The following WDR90 variants were observed in gnomAD, a reference collection of about 807,000 sequenced individuals.
WDR90 encodes the protein WD repeat domain 90.
Under a neutral mutation model 195.2 loss-of-function variants are expected in WDR90, and 238 were observed. That is an observed-to-expected ratio of 1.22 (90% CI 1.10 to 1.36). WDR90 has a LOEUF of 1.36. Ranked by LOEUF, WDR90 falls within the 40% of genes most tolerant of loss-of-function variation. The pLI is 0.00. For missense variants in WDR90, 2,734 were observed against 2,439.5 expected, an observed-to-expected ratio of 1.12 and a Z score of -2.54; for synonymous variants, 1,265 against 1,052.4, an observed-to-expected ratio of 1.20 and a Z score of -3.91.
At chr16:656,675 G>A in intron 18 of WDR90, 57 bp from the exon 19 acceptor site, 2 of 1,580,506 alleles carry the variant, frequency 1.3e-6, no homozygotes, top group East Asian at 4.5e-5. Flanking sequence ...GCCGCCTGGA[G>A]AGCCCCTGGG....
intron 21 of WDR90, 131 bp downstream of exon 21, chr16:658,023 T>G (rs2037798398): frequency 3.4e-6 from 5 of 1,456,032 alleles, no homozygotes; most frequent in Non-Finnish European, 4.6e-6. Flanking sequence ...AGAGTACACA[T>G]CAGCCATGTG....
chr16:650,319 G>A lies in WDR90; in HGVS notation c.345G>A (p.Trp115Ter), dbSNP rs1292947644. 5.0e-6 allele frequency: 8 copies of A among 1,612,942 alleles called. No homozygotes were observed. The highest frequency in any genetic ancestry group is 6.8e-6 in the Non-Finnish European group (8 of 1,179,966). Residue 115 changes from tryptophan (W) to a stop codon, truncating the protein, a stop_gained, in exon 4 of 41, where the codon TGG becomes TGA. Coordinates refer to ENST00000293879, the MANE Select transcript of WDR90 (RefSeq NM_145294.5). LOFTEE classifies it high-confidence loss of function. ...AGGAGTTTAAGTCTACGGCCACGTGGCTCCAGTTTCCCTTGGTCCTGGAGG... is the reference window on the plus strand; with the variant it reads ...AGGAGTTTAAGTCTACGGCCACGTGACTCCAGTTTCCCTTGGTCCTGGAGG... ...LFKEFKSTAT[W>*]LQFPLVLEAR...
Position 656,919 on chromosome 16 carries a change from G to T in WDR90, c.2342+48G>T, listed in dbSNP as rs370130200. 10 of 1,591,986 alleles carry T rather than the reference G, an allele frequency of 6.3e-6. No individual in the cohort carries two copies. The African/African-American group carries it at 1.3e-4, about 21-fold the overall frequency. The stretch of plus-strand genomic sequence containing the variant: ...GCCCCACGGAGACCCCACGGTGGAA[G>T]CTGGGGTGGCCAGGTGGGGGTCATG... On this transcript the variant is annotated intron_variant, in intron 19 of 40. Coordinates refer to ENST00000293879, the MANE Select transcript of WDR90 (RefSeq NM_145294.5).
Position 661,063 on chromosome 16 carries a change from A to G in WDR90, c.3404A>G (p.Tyr1135Cys). 6 of 1,305,256 alleles carry G rather than the reference A, an allele frequency of 4.6e-6. No homozygotes were observed. The highest frequency in any genetic ancestry group is 5.8e-6 in the Non-Finnish European group (6 of 1,030,598). 80.9% of individuals were successfully genotyped at this position (1,305,256 alleles called of 1,614,324 possible). Residue 1135 changes from tyrosine (Y) to cysteine (C), a missense_variant, in exon 29 of 41, where the codon TAC becomes TGC. By Grantham distance (194) the Tyr-to-Cys change is radical. Transcript: ENST00000293879. ...TCTCTGCGCACAGGCTTCTTTGCCT[A>G]CACGTGCGGCCGCCTGGTGGTGGTG... ...VWRPDTGFFA[Y>C]TCGRLVVVED...
In WDR90 at chr16:662,851, G is replaced by A. The variant is rs1378037863; in HGVS notation, c.4311+7G>A. 4 of 1,551,958 alleles carry A rather than the reference G, an allele frequency of 2.6e-6. No homozygotes were observed. The African/African-American group carries it at 5.4e-5, about 21-fold the overall frequency. On this transcript the variant is annotated splice_region_variant and intron_variant, in intron 34 of 40. Coordinates refer to ENST00000293879, the MANE Select transcript of WDR90 (RefSeq NM_145294.5). ...CAGTGGCCACAGGAGCAAGGTGAGG[G>A]ACTTCCAGCCTGGGCAGAGGCGGGG...
intron 27 of WDR90, 165 bp from the exon 28 acceptor site, chr16:660,447 A>G: frequency 1.4e-6 from 1 of 725,294 alleles, no homozygotes; most frequent in South Asian, 1.8e-5. Flanking sequence ...TGGCCCTGGC[A>G]CAGTGCCCAC....
At position 655,531 on chromosome 16, in the gene WDR90, C is replaced by G. The variant is rs1311646796; in HGVS notation, c.1719-42C>G. The G allele has an allele frequency of 1.9e-6, 3 of 1,548,752 alleles. No homozygotes were observed. The Admixed American group carries it at 5.6e-5, about 29-fold the overall frequency. ...GGGGGCCCTGGTGCCTGGGCCTCCC[C>G]TTCCCTGAGGGCCTCACCTTCCCTG... is the stretch of plus-strand genomic sequence containing the variant. On this transcript the variant is annotated intron_variant, in intron 15 of 40. Coordinates refer to ENST00000293879, the MANE Select transcript of WDR90 (RefSeq NM_145294.5).
chr16:654,790 T>C, intron 13 of WDR90: 2 of 557,788 alleles, frequency 3.6e-6, no homozygotes, highest in Non-Finnish European at 3.2e-6. Context: ...GCGGGGGGGT[T>C]TGTACTTCTC....
Position 660,024 on chromosome 16 carries a change from T to C in WDR90, c.3185-34T>C, listed in dbSNP as rs200979040. 16 of 1,486,700 alleles carry C rather than the reference T, an allele frequency of 1.1e-5. No individual in the cohort carries two copies. In the African/African-American group the frequency reaches 1.5e-4, roughly 14 times the overall value. 92.1% of individuals were successfully genotyped at this position (1,486,700 alleles called of 1,614,324 possible). A position where few individuals can be genotyped will look rare whatever the true frequency, so the allele number is the denominator to read the frequency against. ...GGGGTCTCTGAAGAGCTCAGGGCAG[T>C]GTAATGCCACAAGCTCTGCCTCCTC... is the stretch of plus-strand genomic sequence containing the variant. On this transcript the variant is annotated intron_variant, in intron 26 of 40. Coordinates refer to ENST00000293879, the MANE Select transcript of WDR90 (RefSeq NM_145294.5).
intron 26 of WDR90, 56 bp downstream of exon 26, chr16:659,432 G>A (rs1596465659): frequency 3.2e-6 from 5 of 1,563,368 alleles, no homozygotes. Flanking sequence ...AGAGGGCACA[G>A]GCCCAGTGGC....
At chr16:656,065 G>A (rs770520201) in intron 17 of WDR90, 176 bp downstream of exon 17, 336 of 860,806 alleles carry the variant, frequency 3.9e-4, no homozygotes, top group Non-Finnish European at 5.3e-4. Flanking sequence ...AGGGCGGCCC[G>A]CGGGGCAGCC....
intron 34 of WDR90, among the ~76,000 whole-genome samples, chr16:663,977 T>C (rs920703980): frequency 3.9e-5 from 6 of 152,186 alleles, no homozygotes; most frequent in African/African-American, 1.4e-4. Flanking sequence ...CTGAGTCCCA[T>C]CATCCAGTTG....
intron 18 of WDR90, 36 bp from the exon 19 acceptor site, chr16:656,695 TC>T: frequency 6.3e-7 from 1 of 1,594,508 alleles, no homozygotes; most frequent in Non-Finnish European, 8.6e-7. Flanking sequence ...GCCCTTGAGA[TC>T]CCTGCCCTCC....
Position 651,274 on chromosome 16 carries a change from TG to T in WDR90, c.736+14del, listed in dbSNP as rs756320871. 3.7e-6 allele frequency: 6 copies of T among 1,612,562 alleles called. No homozygotes were observed. In the African/African-American group the frequency reaches 6.7e-5, roughly 18 times the overall value. ...GTTCCCCTCCTGAGGCAGGTGGGTC[TG>T]GGGGGTCAGCGGGGACCCAGGTTAA... On this transcript the variant is annotated intron_variant, in intron 7 of 40. Coordinates refer to ENST00000293879, the MANE Select transcript of WDR90 (RefSeq NM_145294.5).
rs2151261033 is a variant in WDR90, at chr16:657,838, T to C, written c.2550T>C (p.Phe850=). ...AVSRDGRLLA[F]VGPSRCTVTV... ...GCAGGGATGGCCGCCTGCTGGCCTT[T>C]GTGGGACCCTCCAGGTGCACAGTGA... Residue 850 remains phenylalanine, a synonymous_variant, in exon 21 of 41, where the codon TTT becomes TTC. Coordinates refer to ENST00000293879, the MANE Select transcript of WDR90 (RefSeq NM_145294.5). 6.3e-7 allele frequency: 1 copy of C among 1,585,086 alleles called. No individual in the cohort carries two copies. The highest frequency in any genetic ancestry group is 8.6e-7 in the Non-Finnish European group (1 of 1,166,290).
intron 23 of WDR90, 92 bp from the exon 24 acceptor site, chr16:658,804 C>A: frequency 1.9e-6 from 3 of 1,569,348 alleles, no homozygotes; most frequent in Non-Finnish European, 2.6e-6. Flanking sequence ...CGGGGCCTCA[C>A]ACTGTGTGGG....
At position 655,808 on chromosome 16, in the gene WDR90, C is replaced by G; in HGVS notation, c.1885C>G (p.Pro629Ala). ...GIAISSLSVSPAMCAVGSEDG... is the reference protein window; with the variant it reads ...GIAISSLSVSAAMCAVGSEDG... The stretch of plus-strand genomic sequence containing the variant: ...TGCCATCAGCAGCCTCAGCGTCTCC[C>G]CGGCCATGTGTGCTGTGGGCTCTGA... Residue 629 changes from proline to alanine, a missense_variant, in exon 17 of 41, where the codon CCG (proline) becomes GCG (alanine). Coordinates refer to ENST00000293879, the MANE Select transcript of WDR90 (RefSeq NM_145294.5). 1 of 1,592,422 alleles carries G rather than the reference C, an allele frequency of 6.3e-7. No homozygotes were observed. The highest frequency in any genetic ancestry group is 8.5e-7 in the Non-Finnish European group (1 of 1,171,044).
rs932343348 is a variant in WDR90, at chr16:657,286, G to A, written c.2473+65G>A. The A allele has an allele frequency of 3.3e-5, 48 of 1,471,184 alleles. No individual in the cohort carries two copies. In the East Asian group the frequency reaches 1.1e-3, roughly 33 times the overall value. 91.1% of individuals were successfully genotyped at this position (1,471,184 alleles called of 1,614,324 possible). On this transcript the variant is annotated intron_variant, in intron 20 of 40. Coordinates refer to ENST00000293879, the MANE Select transcript of WDR90 (RefSeq NM_145294.5). Reference sequence around the variant, plus strand: ...CGGGGGAGGCCTGGATCTGGTGCAGGCCCACACCTGGACACACATGCCGGT... The same window carrying A: ...CGGGGGAGGCCTGGATCTGGTGCAGACCCACACCTGGACACACATGCCGGT...
rs1289703793 is a variant in WDR90, at chr16:662,784, G to A, written c.4251G>A (p.Leu1417=). The A allele has an allele frequency of 6.2e-7, 1 of 1,607,144 alleles. No individual in the cohort carries two copies. Among genetic ancestry groups the A allele is most frequent in the East Asian group, 2.2e-5 (1 of 44,680 alleles). The change falls in exon 34 of 41, where the codon CTG becomes CTA. Residue 1417 remains leucine (L), a synonymous_variant. Transcript: ENST00000293879. ...TCGTGGGCACCACGGCGGGCACGCT[G>A]TGGTTTGTCAGCTGGGCCGAGGGCA... ...MGVVGTTAGT[L]WFVSWAEGTS...
Sources: allele counts gnomAD v4.1 joint callset (sites outside exome capture counted in the v4.1 genomes callset), GRCh38; gene constraint gnomAD v4.1.1; transcripts MANE v1.5; gene names NCBI Gene and HGNC (gene_info 2026-07-23, HGNC 2026-07-21).